Variants in ZW10 observed in about 807,000 individuals in gnomAD.
The protein encoded by ZW10 is centromere/kinetochore protein zw10 homolog.
ZW10 carries 53 observed loss-of-function variants against 87.8 expected under a neutral mutation model. That is an observed-to-expected ratio of 0.60 (90% CI 0.48 to 0.76). The LOEUF (loss-of-function observed/expected upper bound fraction) is 0.76, where lower values mean the gene tolerates loss of function less well. Ranked by LOEUF, ZW10 falls within the 30% of genes least tolerant of loss-of-function variation. The pLI, the probability that ZW10 is intolerant of heterozygous loss-of-function variation, is 0.00. For missense variants in ZW10, 837 were observed against 923.0 expected (o/e 0.91, Z 1.21); for synonymous variants, 312 against 329.2 (o/e 0.95, Z 0.57).
At chr11:113,735,846 G>A (rs1310735740) in intron 15 of ZW10, among the ~76,000 whole-genome samples, 1 of 152,188 alleles carries the variant, frequency 6.6e-6, no homozygotes, top group Non-Finnish European at 1.5e-5. Flanking sequence ...GGTATATGGT[G>A]CTTAACCTCT....
At chr11:113,747,898 T>C (rs1398313580) in intron 8 of ZW10, among the ~76,000 whole-genome samples, 185 bp from the exon 9 acceptor site, 1 of 152,194 alleles carries the variant, frequency 6.6e-6, no homozygotes, top group Admixed American at 6.5e-5. Context: ...ATATCTTCAG[T>C]AGAAATGTCT....
chr11:113,766,572 G>C (rs1207170227), intron 2 of ZW10, among the ~76,000 whole-genome samples: 1 of 150,122 alleles, frequency 6.7e-6, no homozygotes, highest in Non-Finnish European at 1.5e-5. Flanking sequence ...TACTCGGGAG[G>C]CTGAGGCAGG....
intron 1 of ZW10, chr11:113,770,356 TG>T (rs1163762447): frequency 6.6e-6 from 1 of 151,276 alleles, no homozygotes; most frequent in African/African-American, 2.4e-5. Flanking sequence ...CCAAAACTGC[TG>T]GGATTATAGG....
chr11:113,737,455 A>C lies in ZW10; in HGVS notation c.2016+117T>G, dbSNP rs932372373. 5.9e-5 allele frequency: 66 copies of C among 1,117,760 alleles called. 1 individual carries two copies. Among genetic ancestry groups the C allele is most frequent in the South Asian group, 5.4e-4 (22 of 40,680 alleles). The allele number at this position is 1,117,760 out of a possible 1,614,324, so 69.2% of individuals were successfully genotyped here. On this transcript the variant is annotated intron_variant, in intron 14 of 15. Coordinates refer to ENST00000200135, the MANE Select transcript of ZW10 (RefSeq NM_004724.4). ...TAAAACAAAACTGAAAAAAAAAAAA[A>C]CAGCATGAGTTAGACATGAAACATG... is the stretch of plus-strand genomic sequence containing the variant.
In ZW10 at chr11:113,739,184, T is replaced by C. The variant is rs1273749933; in HGVS notation, c.1753+29A>G. On this transcript the variant is annotated intron_variant, in intron 12 of 15. Coordinates refer to ENST00000200135, the MANE Select transcript of ZW10 (RefSeq NM_004724.4). ...ATGTTGACAAGCTGCATAATCCATA[T>C]GCTTTCCTACATTGAAAGTATCAGT... 1.7e-5 allele frequency: 27 copies of C among 1,611,354 alleles called. No homozygotes were observed. In the Admixed American group the frequency reaches 2.2e-4, roughly 13 times the overall value.
intron 8 of ZW10, 88 bp from the exon 9 acceptor site, chr11:113,747,801 G>A (rs946444633): frequency 1.8e-6 from 2 of 1,135,702 alleles, no homozygotes; most frequent in Admixed American, 4.7e-5. Context: ...ATAAAAAAAT[G>A]AGGACCAAGC....
At chr11:113,744,846 G>A (rs1407271563) in intron 9 of ZW10, among the ~76,000 whole-genome samples, 2 of 152,106 alleles carry the variant, frequency 1.3e-5, no homozygotes, top group South Asian at 2.1e-4. Flanking sequence ...ATGAGCAAAC[G>A]CACCCGGCCC....
Position 113,747,565 on chromosome 11 carries a change from T to G in ZW10, c.1238A>C (p.Asn413Thr). 6.2e-7 allele frequency: 1 copy of G among 1,613,606 alleles called. No homozygotes were observed. Among genetic ancestry groups the G allele is most frequent in the Non-Finnish European group, 8.5e-7 (1 of 1,179,666 alleles). ...GTTATGAATTTCTGAGGTCATTAGA[T>G]TTCTGGCTGCCACAATCACATCCTG... ...KCQDVIVAAR[N>T]LMTSEIHNTV... is the part of the protein sequence containing the mutation. Residue 413 changes from asparagine to threonine, a missense_variant, in exon 9 of 16, where the codon AAT becomes ACT. Asn to Thr is a moderately conservative substitution (Grantham distance 65). Transcript: ENST00000200135.
At chr11:113,739,056 A>G (rs371715034) in intron 12 of ZW10, among the ~76,000 whole-genome samples, 157 bp downstream of exon 12, 3 of 152,370 alleles carry the variant, frequency 2.0e-5, no homozygotes, top group East Asian at 3.9e-4. Flanking sequence ...ATAAAATTAT[A>G]TAACTGGAAA....
chr11:113,757,611 A>G (rs544488632), intron 7 of ZW10, 51 bp downstream of exon 7: 1 of 1,259,340 alleles, frequency 7.9e-7, no homozygotes, highest in African/African-American at 1.5e-5. Flanking sequence ...TTACTTTTAT[A>G]AACAATATTT....
chr11:113,740,920 T>C (rs1363548295), intron 11 of ZW10, among the ~76,000 whole-genome samples: 2 of 152,218 alleles, frequency 1.3e-5, no homozygotes. Context: ...GGCTGTCAGC[T>C]AATGCAAATA....
rs1447297330 is a variant in ZW10 at position 113,758,542 on chromosome 11, A to G, written c.733+12T>C. 2.5e-6 allele frequency: 4 copies of G among 1,612,196 alleles called. No individual in the cohort carries two copies. Among genetic ancestry groups the G allele is most frequent in the African/African-American group, 1.3e-5 (1 of 74,956 alleles). ...AGATTTTGTGTAAATGAAACAAAGT[A>G]GCATGCCTTACCAAATGATTTAAGC... On this transcript the variant is annotated intron_variant, in intron 6 of 15. Transcript: ENST00000200135.
At chr11:113,741,907 C>T in intron 10 of ZW10, 142 bp from the exon 11 acceptor site, 1 of 552,072 alleles carries the variant, frequency 1.8e-6, no homozygotes, top group Non-Finnish European at 3.2e-6. Context: ...TGCTGGAAAA[C>T]ACCATTAATC....
intron 2 of ZW10, among the ~76,000 whole-genome samples, chr11:113,761,131 T>A (rs1953856386): frequency 6.6e-6 from 1 of 152,154 alleles, no homozygotes; most frequent in African/African-American, 2.4e-5. Flanking sequence ...AGAATACCCA[T>A]TCCTCTCAAC....
intron 1 of ZW10, chr11:113,769,685 C>T (rs534456683): frequency 3.4e-5 from 12 of 348,086 alleles, no homozygotes; most frequent in East Asian, 1.1e-4. Flanking sequence ...AGTGGCTTCA[C>T]GTTTGAGTTG....
intron 7 of ZW10, among the ~76,000 whole-genome samples, chr11:113,749,343 T>A (rs1212483844): frequency 6.6e-6 from 1 of 152,234 alleles, no homozygotes; most frequent in Non-Finnish European, 1.5e-5. Flanking sequence ...CTAGTGTGAC[T>A]GAGAAATTCA....
intron 2 of ZW10, among the ~76,000 whole-genome samples, chr11:113,762,063 G>A (rs1316493779): frequency 6.6e-6 from 1 of 152,074 alleles, no homozygotes; most frequent in Non-Finnish European, 1.5e-5. Flanking sequence ...CTAACAATGG[G>A]GACGCATTCT....
chr11:113,758,480 C>T (rs1264685649), intron 6 of ZW10, 74 bp downstream of exon 6: 1 of 1,435,358 alleles, frequency 7.0e-7, no homozygotes. Flanking sequence ...AATATTTTAT[C>T]ATCTTTTCTG....
At chr11:113,758,206 C>CAA (rs141700450) in intron 6 of ZW10, among the ~76,000 whole-genome samples, 4 of 148,894 alleles carry the variant, frequency 2.7e-5, no homozygotes, top group East Asian at 2.0e-4. Context: ...GTAAGCATGT[C>CAA]AAAAAAAAAA....
Sources: allele counts gnomAD v4.1 joint callset (sites outside exome capture counted in the v4.1 genomes callset), GRCh38; gene constraint gnomAD v4.1.1; transcripts MANE v1.5; gene names NCBI Gene and HGNC (gene_info 2026-07-23, HGNC 2026-07-21).